CHD6: variants seen among roughly 807,000 people sequenced by gnomAD.
CHD6 encodes the protein chromodomain helicase DNA binding protein 6, also known as ATP-dependent chromatin remodeler CHD6.
Under a neutral mutation model 276.9 loss-of-function variants are expected in CHD6, and 50 were observed. The ratio of observed to expected loss-of-function variants is 0.18; its 90% CI spans 0.14 to 0.23. The LOEUF (loss-of-function observed/expected upper bound fraction) is 0.23, where lower values mean the gene tolerates loss of function less well. CHD6 is among the 10% of genes least tolerant of loss of function. The pLI, the probability that CHD6 is intolerant of heterozygous loss-of-function variation, is 1.00. For synonymous variants in CHD6, 1,173 were observed against 1,229.3 expected (o/e 0.95, Z 0.96); for missense variants, 2,564 against 3,365.8 (o/e 0.76, Z 5.89).
intron 3 of CHD6, among the ~76,000 whole-genome samples, chr20:41,529,839 G>A (rs1356513884): frequency 6.6e-6 from 1 of 151,948 alleles, no homozygotes; most frequent in African/African-American, 2.4e-5. Context: ...CAATCAGGGG[G>A]CAACAGGAAC....
chr20:41,516,456 G>T (rs748972982), intron 3 of CHD6, among the ~76,000 whole-genome samples: 7 of 152,130 alleles, frequency 4.6e-5, no homozygotes, highest in Non-Finnish European at 1.0e-4. Context: ...TTACAGGTGT[G>T]AGCCACCACA....
intron 36 of CHD6, among the ~76,000 whole-genome samples, chr20:41,408,535 G>A (rs1159987838): frequency 6.6e-6 from 1 of 152,046 alleles, no homozygotes; most frequent in Non-Finnish European, 1.5e-5. Flanking sequence ...TCTCATTCTG[G>A]GCCAGCCACT....
At chr20:41,514,990 T>C (rs1274332053) in intron 3 of CHD6, 38 bp from the exon 4 acceptor site, 2 of 1,606,662 alleles carry the variant, frequency 1.2e-6, no homozygotes, top group East Asian at 2.2e-5. Context: ...TGTTGGGCAG[T>C]TTTTAAAACT....
intron 36 of CHD6, among the ~76,000 whole-genome samples, chr20:41,406,516 G>A (rs2046680290): frequency 6.6e-6 from 1 of 152,220 alleles, no homozygotes; most frequent in Admixed American, 6.5e-5. Flanking sequence ...GGCGCAGGCT[G>A]CAGCCCCACA....
chr20:41,436,715 A>G (rs1423466067), intron 27 of CHD6, among the ~76,000 whole-genome samples: 3 of 152,246 alleles, frequency 2.0e-5, no homozygotes, highest in Non-Finnish European at 4.4e-5. Context: ...ACAACCACCT[A>G]GATGAATCCC....
chr20:41,564,018 C>A, intron 1 of CHD6: 1 of 778,076 alleles, frequency 1.3e-6, no homozygotes, highest in South Asian at 1.4e-5. Context: ...TACCTGTAGA[C>A]TTGGGAGTGA....
intron 3 of CHD6, among the ~76,000 whole-genome samples, chr20:41,521,297 T>C (rs2044387535): frequency 6.6e-6 from 1 of 152,178 alleles, no homozygotes. Flanking sequence ...GGGGAAAGTA[T>C]AGCAAACCAA....
intron 2 of CHD6, among the ~76,000 whole-genome samples, chr20:41,549,668 T>C (rs1279853888): frequency 2.6e-5 from 4 of 151,034 alleles, no homozygotes; most frequent in Non-Finnish European, 4.4e-5. Flanking sequence ...AAAAATAAAA[T>C]ATTTTGGGTC....
chr20:41,434,464 G>A (rs1232161211), intron 27 of CHD6, among the ~76,000 whole-genome samples: 2 of 152,090 alleles, frequency 1.3e-5, no homozygotes, highest in African/African-American at 2.4e-5. Flanking sequence ...TCTGCCTCCC[G>A]GGTTCAAGTG....
chr20:41,421,764 T>C lies in CHD6; in HGVS notation c.4871A>G (p.Gln1624Arg). 2 of 1,614,216 alleles carry C rather than the reference T, an allele frequency of 1.2e-6. No homozygotes were observed. Among genetic ancestry groups the C allele is most frequent in the African/African-American group, 1.3e-5 (1 of 75,060 alleles). The change falls in exon 31 of 37, where the codon CAG (glutamine) becomes CGG (arginine). Residue 1624 changes from glutamine (Q) to arginine (R), a missense_variant. Gln to Arg is a conservative substitution (Grantham distance 43). Transcript: ENST00000373233. ...NYAQHKRSGT[Q>R]APGNLCCLYQ... The stretch of plus-strand genomic sequence containing the variant: ...AAGGCAACAGAGATTTCCTGGTGCC[T>C]GGGTGCCAGATCTTTTATGCTGGGC...
At chr20:41,427,861 G>A (rs2047414633) in intron 27 of CHD6, among the ~76,000 whole-genome samples, 1 of 152,200 alleles carries the variant, frequency 6.6e-6, no homozygotes, top group African/African-American at 2.4e-5. Context: ...TGCCAGAGAG[G>A]ACTTTTTAAA....
chr20:41,555,672 G>T (rs1202861313), intron 1 of CHD6, among the ~76,000 whole-genome samples: 4 of 148,314 alleles, frequency 2.7e-5, no homozygotes, highest in South Asian at 2.2e-4. Context: ...GGGCAGAGGC[G>T]CTCCCCACAT....
At chr20:41,422,824 A>G (rs559233521) in intron 30 of CHD6, among the ~76,000 whole-genome samples, 1 of 152,306 alleles carries the variant, frequency 6.6e-6, no homozygotes, top group South Asian at 2.1e-4. Flanking sequence ...TTGGATGACA[A>G]CACTTTAGCC....
At chr20:41,480,762 G>A (rs2043276774) in intron 16 of CHD6, among the ~76,000 whole-genome samples, 1 of 152,186 alleles carries the variant, frequency 6.6e-6, no homozygotes, top group Non-Finnish European at 1.5e-5. Context: ...TGGGATATGA[G>A]AAACTGGGGG....
intron 23 of CHD6, 46 bp from the exon 24 acceptor site, chr20:41,448,017 C>T: frequency 8.6e-7 from 1 of 1,166,310 alleles, no homozygotes; most frequent in Non-Finnish European, 1.2e-6. Flanking sequence ...GAACCCATAA[C>T]TGTCTGTGAA....
chr20:41,602,114 T>C (rs778729214), intron 1 of CHD6, among the ~76,000 whole-genome samples: 1 of 152,202 alleles, frequency 6.6e-6, no homozygotes, highest in Admixed American at 6.5e-5. Flanking sequence ...TGGTGCTCTA[T>C]CTCCTTTTGG....
chr20:41,561,056 T>C (rs2045296069), intron 1 of CHD6, among the ~76,000 whole-genome samples: 1 of 152,184 alleles, frequency 6.6e-6, no homozygotes, highest in Admixed American at 6.5e-5. Flanking sequence ...AAAGGCCAGA[T>C]AATAAATATT....
chr20:41,563,963 C>A (rs748957080), intron 1 of CHD6: 2 of 744,298 alleles, frequency 2.7e-6, no homozygotes, highest in Admixed American at 3.9e-5. Flanking sequence ...AACACAAGAA[C>A]TTTTCACTCA....
chr20:41,609,277 T>TAAAACA (rs1232157795), intron 1 of CHD6, among the ~76,000 whole-genome samples: 36 of 152,018 alleles, frequency 2.4e-4, no homozygotes, highest in African/African-American at 7.7e-4. Context: ...CCAGTTTCTA[T>TAAAACA]AAAACAAAAA....
Sources: allele counts gnomAD v4.1 joint callset (sites outside exome capture counted in the v4.1 genomes callset), GRCh38; gene constraint gnomAD v4.1.1; transcripts MANE v1.5; gene names NCBI Gene and HGNC (gene_info 2026-07-23, HGNC 2026-07-21).